LARGE1: variants seen among roughly 807,000 people sequenced by gnomAD.
The protein encoded by LARGE1 is xylosyl- and glucuronyltransferase LARGE1.
Under a neutral mutation model 87.6 loss-of-function variants are expected in LARGE1, and 43 were observed. The observed-to-expected ratio is 0.49, with a 90% CI of 0.38 to 0.63. LARGE1 has a LOEUF of 0.63. Among genes scored for constraint, LARGE1 ranks in the 30% least tolerant of loss-of-function variants. The probability of loss-of-function intolerance (pLI) is 0.00; values close to 1 mark genes in which losing one functional copy is unlikely to be tolerated. For synonymous variants in LARGE1, 434 were observed against 394.6 expected, an observed-to-expected ratio of 1.10 and a Z score of -1.18; for missense variants, 802 against 1,000.2, an observed-to-expected ratio of 0.80 and a Z score of 2.67.
chr22:33,091,352 G>T, the LARGE1 span, among the ~76,000 whole-genome samples: 35 of 152,098 alleles, frequency 2.3e-4, no homozygotes, highest in Non-Finnish European at 3.5e-4. Flanking sequence ...CTTGAGGTCA[G>T]GAGTTCAAGA....
At chr22:33,629,586 T>C (rs1279073678) in intron 3 of LARGE1, among the ~76,000 whole-genome samples, 1 of 152,116 alleles carries the variant, frequency 6.6e-6, no homozygotes, top group Non-Finnish European at 1.5e-5. Context: ...AATCTGGGGT[T>C]ACAGAAGTGA....
intron 3 of LARGE1, among the ~76,000 whole-genome samples, chr22:33,631,472 T>C (rs1347024288): frequency 6.6e-6 from 1 of 152,240 alleles, no homozygotes; most frequent in Non-Finnish European, 1.5e-5. Context: ...TTTAAAACTT[T>C]TTTGTTAAAA....
intron 6 of LARGE1, among the ~76,000 whole-genome samples, chr22:33,535,202 A>G (rs768156349): frequency 2.0e-5 from 3 of 152,144 alleles, no homozygotes; most frequent in Non-Finnish European, 4.4e-5. Flanking sequence ...TCTGTGCACA[A>G]TGAAGTGCGT....
At chr22:33,482,478 T>C (rs1351058380) in intron 6 of LARGE1, among the ~76,000 whole-genome samples, 2 of 152,132 alleles carry the variant, frequency 1.3e-5, no homozygotes, top group African/African-American at 4.8e-5. Context: ...TTTGGAAAAC[T>C]ACTTCCTGCA....
intron 1 of LARGE1, among the ~76,000 whole-genome samples, chr22:33,807,016 A>C (rs2086333641): frequency 6.6e-6 from 1 of 152,118 alleles, no homozygotes; most frequent in Non-Finnish European, 1.5e-5. Flanking sequence ...CTCAAAAAAA[A>C]AAATCCTCTT....
At chr22:33,717,347 A>G (rs1017985560) in intron 2 of LARGE1, among the ~76,000 whole-genome samples, 3 of 152,056 alleles carry the variant, frequency 2.0e-5, no homozygotes, top group African/African-American at 7.2e-5. Flanking sequence ...AATCACCAAC[A>G]TTTTCCATCA....
At chr22:33,784,166 T>C (rs569344025) in intron 1 of LARGE1, among the ~76,000 whole-genome samples, 5 of 152,312 alleles carry the variant, frequency 3.3e-5, no homozygotes, top group African/African-American at 4.8e-5. Context: ...ACTGCAACAA[T>C]TGCTTTCTGC....
chr22:33,441,714 T>G (rs551563309), intron 6 of LARGE1, among the ~76,000 whole-genome samples: 3 of 152,184 alleles, frequency 2.0e-5, no homozygotes, highest in Non-Finnish European at 4.4e-5. Context: ...CCACCTCAGC[T>G]TCCCATAGTG....
chr22:33,454,616 TAAAA>T (rs563852024), intron 6 of LARGE1, among the ~76,000 whole-genome samples: 1 of 111,476 alleles, frequency 9.0e-6, no homozygotes, highest in Non-Finnish European at 1.9e-5. Context: ...AGACTCTGTC[TAAAA>T]AAAAAAAAAA....
chr22:33,642,841 T>C (rs1436046872), intron 3 of LARGE1, among the ~76,000 whole-genome samples: 1 of 150,424 alleles, frequency 6.6e-6, no homozygotes, highest in Non-Finnish European at 1.5e-5. Context: ...CAATGTAACA[T>C]GAAGAGCTAA....
At chr22:33,900,984 T>C (rs1470835396) in intron 1 of LARGE1, among the ~76,000 whole-genome samples, 3 of 151,892 alleles carry the variant, frequency 2.0e-5, no homozygotes, top group Non-Finnish European at 4.4e-5. Context: ...GAGACAGAGG[T>C]TGCAGTGAGC....
chr22:33,342,029 C>T (rs1458649488), intron 9 of LARGE1, among the ~76,000 whole-genome samples: 2 of 152,244 alleles, frequency 1.3e-5, no homozygotes, highest in East Asian at 3.9e-4. Context: ...ATTTCAGGGA[C>T]GTATGAGTGT....
chr22:33,915,460 A>G (rs777854734), intron 1 of LARGE1, among the ~76,000 whole-genome samples: 4 of 152,188 alleles, frequency 2.6e-5, no homozygotes, highest in Admixed American at 6.5e-5. Flanking sequence ...TCATTTGTCA[A>G]GTAACATTGT....
At chr22:33,098,372 C>A in the LARGE1 span, among the ~76,000 whole-genome samples, 1 of 152,174 alleles carries the variant, frequency 6.6e-6, no homozygotes, top group South Asian at 2.1e-4. Context: ...GTAATCCCAG[C>A]ACTTTGGGAG....
intron 1 of LARGE1, among the ~76,000 whole-genome samples, chr22:33,888,864 A>G (rs1241813598): frequency 6.6e-6 from 1 of 152,142 alleles, no homozygotes; most frequent in Non-Finnish European, 1.5e-5. Context: ...CTCAATAACA[A>G]AACAAAAAAC....
chr22:33,918,935 CT>C (rs2065864261), intron 1 of LARGE1, among the ~76,000 whole-genome samples: 1 of 151,946 alleles, frequency 6.6e-6, no homozygotes, highest in East Asian at 1.9e-4. Flanking sequence ...CTCTCTCTCT[CT>C]CTGGGCACTT....
chr22:33,093,685 C>G, the LARGE1 span, among the ~76,000 whole-genome samples: 3 of 152,072 alleles, frequency 2.0e-5, no homozygotes, highest in East Asian at 5.8e-4. Context: ...ATTGTGTTCT[C>G]TTTGGTGGGT....
intron 3 of LARGE1, among the ~76,000 whole-genome samples, chr22:33,632,890 A>T (rs2080153925): frequency 6.6e-6 from 1 of 152,190 alleles, no homozygotes; most frequent in African/African-American, 2.4e-5. Context: ...GAACCATAAA[A>T]GCTCTTTCTA....
At chr22:33,111,593 A>G in the LARGE1 span, among the ~76,000 whole-genome samples, 1 of 152,030 alleles carries the variant, frequency 6.6e-6, no homozygotes, top group Non-Finnish European at 1.5e-5. Context: ...AGACTCATTT[A>G]TCTACTGTTG....
Sources: allele counts gnomAD v4.1 joint callset (sites outside exome capture counted in the v4.1 genomes callset), GRCh38; gene constraint gnomAD v4.1.1; transcripts MANE v1.5; gene names NCBI Gene and HGNC (gene_info 2026-07-23, HGNC 2026-07-21).